Variants in ARID1B observed in about 807,000 individuals in gnomAD.
The protein encoded by ARID1B is AT-rich interaction domain 1B.
Under a neutral mutation model 212.3 loss-of-function variants are expected in ARID1B, and 30 were observed. That is an observed-to-expected ratio of 0.14 (90% CI 0.11 to 0.19). The LOEUF (loss-of-function observed/expected upper bound fraction) is 0.19. Among genes scored for constraint, ARID1B ranks in the 10% least tolerant of loss-of-function variants. The probability of loss-of-function intolerance (pLI) is 1.00; values close to 1 mark genes in which losing one functional copy is unlikely to be tolerated. For missense variants in ARID1B, 2,891 were observed against 3,204.0 expected, an observed-to-expected ratio of 0.90 and a Z score of 2.36; for synonymous variants, 1,402 against 1,301.7, an observed-to-expected ratio of 1.08 and a Z score of -1.66.
At chr6:156,875,727 G>C (rs1221286932) in intron 2 of ARID1B, among the ~76,000 whole-genome samples, 1 of 152,210 alleles carries the variant, frequency 6.6e-6, no homozygotes, top group Non-Finnish European at 1.5e-5. Flanking sequence ...CGCGTATTAA[G>C]TATGTTTTCT....
chr6:157,113,341 A>G (rs555685362), intron 6 of ARID1B, among the ~76,000 whole-genome samples: 4 of 152,312 alleles, frequency 2.6e-5, no homozygotes, highest in African/African-American at 4.8e-5. Context: ...TTATATTGTT[A>G]TAGTTTGTTT....
rs192605377 is a variant in ARID1B, at chr6:157,089,904, G to A, written c.2491+4999G>A. The stretch of plus-strand genomic sequence containing the variant: ...ACGTTGCACTTACACTGCTTCTTGG[G>A]TTATATCCTAGCGTTTTTCACTTTG... On this transcript the variant is annotated intron_variant, in intron 5 of 19. Coordinates refer to ENST00000636930, the MANE Select transcript of ARID1B (RefSeq NM_001374828.1). Among the ~76,000 whole-genome samples the A allele has an allele frequency of 2.9e-4, 44 of 151,182 alleles. 2 individuals carry two copies. Among genetic ancestry groups the A allele is most frequent in the Admixed American group, 1.2e-3 (19 of 15,246 alleles).
rs1455063432 is a variant in ARID1B at position 157,110,576 on chromosome 6, C to T, written c.2581+15C>T. On this transcript the variant is annotated intron_variant, in intron 6 of 19. Coordinates refer to ENST00000636930, the MANE Select transcript of ARID1B (RefSeq NM_001374828.1). ...ACAGGAAAGAGGTTCGTCTCCAGTT[C>T]ATGTCTTACATGCCTATAGTGCTTT... 3 of 1,611,712 alleles carry T rather than the reference C, an allele frequency of 1.9e-6. No homozygotes were observed. Among genetic ancestry groups the T allele is most frequent in the Non-Finnish European group, 2.5e-6 (3 of 1,177,938 alleles).
intron 5 of ARID1B, among the ~76,000 whole-genome samples, chr6:157,108,718 G>A (rs1475603692): frequency 6.6e-6 from 1 of 152,062 alleles, no homozygotes; most frequent in Non-Finnish European, 1.5e-5. Flanking sequence ...TTAATTATTT[G>A]GTACTAGTAC....
intron 5 of ARID1B, among the ~76,000 whole-genome samples, chr6:157,087,638 A>G (rs1469002008): frequency 6.6e-6 from 1 of 152,220 alleles, no homozygotes; most frequent in African/African-American, 2.4e-5. Context: ...TTAGGCAGCA[A>G]GTCTTCTGGT....
At chr6:156,950,611 G>T (rs1400622877) in intron 4 of ARID1B, among the ~76,000 whole-genome samples, 1 of 152,074 alleles carries the variant, frequency 6.6e-6, no homozygotes, top group Non-Finnish European at 1.5e-5. Flanking sequence ...TTTGCGGGGG[G>T]GTAACAACCT....
At chr6:157,089,205 C>A (rs1034368633) in intron 5 of ARID1B, among the ~76,000 whole-genome samples, 19 of 152,088 alleles carry the variant, frequency 1.2e-4, no homozygotes, top group African/African-American at 4.6e-4. Flanking sequence ...TGAAAAAAAA[C>A]AATCATTTTT....
At chr6:157,088,031 G>A (rs79268526) in intron 5 of ARID1B, among the ~76,000 whole-genome samples, 2,043 of 152,354 alleles carry the variant, frequency 0.013, 46 homozygotes, top group African/African-American at 0.046. Flanking sequence ...AACAATAGAT[G>A]CAGTATAAAA....
intron 4 of ARID1B, among the ~76,000 whole-genome samples, chr6:156,972,854 A>G (rs1562520715): frequency 6.6e-6 from 1 of 152,244 alleles, no homozygotes; most frequent in Non-Finnish European, 1.5e-5. Context: ...ATTTTCCAGT[A>G]AAAAGACATT....
chr6:157,063,891 G>C (rs1783509420), intron 4 of ARID1B, among the ~76,000 whole-genome samples: 1 of 152,212 alleles, frequency 6.6e-6, no homozygotes, highest in South Asian at 2.1e-4. Context: ...GGAGAATACT[G>C]AGAGCTAGAT....
At chr6:156,805,489 A>C (rs1583071618) in intron 1 of ARID1B, among the ~76,000 whole-genome samples, 1 of 152,236 alleles carries the variant, frequency 6.6e-6, no homozygotes, top group East Asian at 1.9e-4. Context: ...ACTATTCTTG[A>C]GGAAACCTAG....
At chr6:156,829,773 T>C (rs1783015000) in intron 2 of ARID1B, 1 of 177,592 alleles carries the variant, frequency 5.6e-6, no homozygotes, top group Non-Finnish European at 1.2e-5. Flanking sequence ...GAGCTGTGAA[T>C]AGACCATCTT....
At position 157,207,369 on chromosome 6, in the gene ARID1B, G is replaced by A. The variant is rs763197178; in HGVS notation, c.6597G>A (p.Leu2199=). The A allele has an allele frequency of 6.2e-7, 1 of 1,614,206 alleles. No homozygotes were observed. Among genetic ancestry groups the A allele is most frequent in the Non-Finnish European group, 8.5e-7 (1 of 1,180,040 alleles). The change falls in exon 20 of 20, where the codon CTG becomes CTA. Residue 2199 remains leucine, a synonymous_variant. Transcript: ENST00000636930. The surrounding 1 kb of genome is among the most constrained non-coding windows in gnomAD (Gnocchi z 8.5). ...PFPTVGPNSV[L]SPQRLVLETL... Reference sequence around the variant, plus strand: ...CAACTGTGGGACCCAACTCGGTCCTGTCGCCTCAGAGACTTGTGCTGGAGA... The same window carrying A: ...CAACTGTGGGACCCAACTCGGTCCTATCGCCTCAGAGACTTGTGCTGGAGA...
At chr6:157,039,767 A>C (rs144561080) in intron 4 of ARID1B, among the ~76,000 whole-genome samples, 2 of 82,454 alleles carry the variant, frequency 2.4e-5, no homozygotes, top group African/African-American at 5.1e-5. Context: ...CTACCTTCCT[A>C]CCTACCTACC....
chr6:156,866,442 T>C (rs751002358), intron 2 of ARID1B, among the ~76,000 whole-genome samples: 9 of 152,200 alleles, frequency 5.9e-5, no homozygotes, highest in Non-Finnish European at 1.0e-4. Flanking sequence ...CCTTTCCAGG[T>C]TGGGTAAGTT....
chr6:156,945,142 A>G (rs374016115), intron 4 of ARID1B, among the ~76,000 whole-genome samples: 19 of 129,822 alleles, frequency 1.5e-4, no homozygotes, highest in Non-Finnish European at 2.5e-4. Context: ...TCACCATGTT[A>G]GCCAGGATGG....
At chr6:157,116,764 C>A (rs1367119423) in intron 6 of ARID1B, among the ~76,000 whole-genome samples, 1 of 151,852 alleles carries the variant, frequency 6.6e-6, no homozygotes, top group South Asian at 2.1e-4. Flanking sequence ...GAATAACAGT[C>A]CCCCCAACCT....
At chr6:156,781,534 C>G (rs1413408585) in intron 1 of ARID1B, among the ~76,000 whole-genome samples, 4 of 151,948 alleles carry the variant, frequency 2.6e-5, no homozygotes, top group Admixed American at 2.6e-4. Flanking sequence ...AATAATCATA[C>G]CTTAGAGACT....
intron 8 of ARID1B, among the ~76,000 whole-genome samples, chr6:157,158,269 A>G (rs1046455780): frequency 6.6e-6 from 1 of 152,248 alleles, no homozygotes; most frequent in Admixed American, 6.5e-5. Context: ...TTACCAAACT[A>G]AGTCACTTTG....
Sources: gnomAD v4.1 joint callset for allele counts (sites outside exome capture counted in the v4.1 genomes callset) on GRCh38, gnomAD v4.1.1 for gene constraint, Gnocchi (gnomAD v3.1) non-coding constraint, MANE v1.5 for transcripts, NCBI Gene and HGNC (gene_info 2026-07-23, HGNC 2026-07-21) for gene names.